The following GALNT13 variants were observed in gnomAD, a reference collection of about 807,000 sequenced individuals.
GALNT13 encodes UDP-GalNAc:polypeptide N-acetylgalactosaminyltransferase 13.
GALNT13 carries 28 observed loss-of-function variants against 64.2 expected under a neutral mutation model. The ratio of observed to expected loss-of-function variants is 0.44; its 90% CI spans 0.32 to 0.60. The LOEUF (loss-of-function observed/expected upper bound fraction) is 0.60. Among genes scored for constraint, GALNT13 ranks in the 20% least tolerant of loss-of-function variants. The pLI is 0.05. For synonymous variants in GALNT13, 214 were observed against 224.6 expected (o/e 0.95, Z 0.42); for missense variants, 577 against 669.8 (o/e 0.86, Z 1.53).
chr2:153,477,111 G>A, the GALNT13 span, among the ~76,000 whole-genome samples: 1 of 152,168 alleles, frequency 6.6e-6, no homozygotes, highest in Non-Finnish European at 1.5e-5. Flanking sequence ...ACGATAAGAG[G>A]AAACAAAGGA....
At chr2:153,637,767 A>G in the GALNT13 span, among the ~76,000 whole-genome samples, 6 of 152,194 alleles carry the variant, frequency 3.9e-5, no homozygotes, top group African/African-American at 1.4e-4. Context: ...TATTGATAAA[A>G]ATAACCATAT....
At chr2:153,289,816 C>T in the GALNT13 span, among the ~76,000 whole-genome samples, 137 of 152,214 alleles carry the variant, frequency 9.0e-4, 1 homozygote, top group East Asian at 6.2e-3. Context: ...TGACATGCCA[C>T]GTGGGACCTC....
At chr2:153,675,540 G>A in the GALNT13 span, among the ~76,000 whole-genome samples, 1 of 152,106 alleles carries the variant, frequency 6.6e-6, no homozygotes, top group African/African-American at 2.4e-5. Context: ...ACCGGGGCCT[G>A]TTGGCAGGTG....
the GALNT13 span, among the ~76,000 whole-genome samples, chr2:153,666,710 C>T: frequency 6.6e-6 from 1 of 152,146 alleles, no homozygotes; most frequent in Non-Finnish European, 1.5e-5. Context: ...TTGGCCCACA[C>T]AAATGAGAAA....
At chr2:154,205,695 A>C (rs554297039) in intron 4 of GALNT13, among the ~76,000 whole-genome samples, 5 of 152,170 alleles carry the variant, frequency 3.3e-5, no homozygotes, top group Non-Finnish European at 5.9e-5. Flanking sequence ...GCTGGCAGGC[A>C]AAGAGAGAGC....
chr2:153,084,397 T>TC, the GALNT13 span, among the ~76,000 whole-genome samples: 6 of 152,234 alleles, frequency 3.9e-5, no homozygotes, highest in African/African-American at 9.6e-5. Flanking sequence ...TTTGTTTATG[T>TC]CATCTATGAT....
chr2:153,426,233 A>G, the GALNT13 span, among the ~76,000 whole-genome samples: 1 of 151,890 alleles, frequency 6.6e-6, no homozygotes, highest in African/African-American at 2.4e-5. Flanking sequence ...CTCAAAATTG[A>G]TACTTGCTCA....
chr2:153,475,347 T>G, the GALNT13 span, among the ~76,000 whole-genome samples: 3 of 152,228 alleles, frequency 2.0e-5, no homozygotes, highest in Non-Finnish European at 4.4e-5. Flanking sequence ...TCACATACCT[T>G]TTGTATCTAA....
chr2:154,284,945 CAT>C (rs759851790), intron 8 of GALNT13, among the ~76,000 whole-genome samples: 2 of 152,036 alleles, frequency 1.3e-5, no homozygotes, highest in Non-Finnish European at 2.9e-5. Context: ...GGTGATATCT[CAT>C]GTGGTTTTAA....
intron 9 of GALNT13, among the ~76,000 whole-genome samples, chr2:154,372,758 T>C (rs1394506305): frequency 6.6e-6 from 1 of 152,086 alleles, no homozygotes; most frequent in Non-Finnish European, 1.5e-5. Flanking sequence ...TCTGTGATTA[T>C]CACTTTTTAT....
chr2:153,996,410 G>A (rs945397354), intron 3 of GALNT13, among the ~76,000 whole-genome samples: 7 of 151,974 alleles, frequency 4.6e-5, no homozygotes, highest in African/African-American at 1.7e-4. Flanking sequence ...GTTTTTATTT[G>A]CATTTCTTTT....
At chr2:153,511,921 A>G in the GALNT13 span, among the ~76,000 whole-genome samples, 14 of 152,186 alleles carry the variant, frequency 9.2e-5, no homozygotes, top group Non-Finnish European at 1.0e-4. Flanking sequence ...TCTGGAGTCC[A>G]GTGTCTGGGA....
intron 8 of GALNT13, among the ~76,000 whole-genome samples, chr2:154,299,734 A>T (rs1453181920): frequency 6.6e-6 from 1 of 151,574 alleles, no homozygotes; most frequent in Non-Finnish European, 1.5e-5. Context: ...AAGTGCTGGG[A>T]TTACAGGCGT....
At chr2:153,688,044 A>T in the GALNT13 span, among the ~76,000 whole-genome samples, 7 of 152,050 alleles carry the variant, frequency 4.6e-5, no homozygotes, top group Non-Finnish European at 7.4e-5. Context: ...GTTGCTGTTA[A>T]TTTCAGTAAA....
At chr2:153,106,395 C>G in the GALNT13 span, among the ~76,000 whole-genome samples, 67 of 152,118 alleles carry the variant, frequency 4.4e-4, no homozygotes, top group Admixed American at 4.6e-4. Context: ...TCCATTGTCT[C>G]TCCATGTGAA....
the GALNT13 span, among the ~76,000 whole-genome samples, chr2:153,759,827 TA>T: frequency 1.7e-3 from 256 of 149,154 alleles, 2 homozygotes; most frequent in African/African-American, 4.9e-3. Flanking sequence ...TCTACCCTCA[TA>T]AAAAAAAAAT....
At chr2:154,090,859 T>C (rs542410214) in intron 3 of GALNT13, among the ~76,000 whole-genome samples, 2 of 152,078 alleles carry the variant, frequency 1.3e-5, no homozygotes, top group African/African-American at 2.4e-5. Context: ...ATCTACAGTA[T>C]TGGGTAATAT....
intron 3 of GALNT13, among the ~76,000 whole-genome samples, chr2:154,104,018 T>C (rs1702481859): frequency 6.6e-6 from 1 of 151,914 alleles, no homozygotes; most frequent in Non-Finnish European, 1.5e-5. Flanking sequence ...TGGAGTAGAG[T>C]AGTGTGGGAA....
the GALNT13 span, among the ~76,000 whole-genome samples, chr2:153,250,002 A>G: frequency 3.3e-5 from 5 of 152,202 alleles, no homozygotes; most frequent in African/African-American, 9.7e-5. Context: ...ATAAAACACA[A>G]AAAGCAACTG....
Sources: gnomAD v4.1 joint callset for allele counts (sites outside exome capture counted in the v4.1 genomes callset) on GRCh38, gnomAD v4.1.1 for gene constraint, MANE v1.5 for transcripts, NCBI Gene and HGNC (gene_info 2026-07-23, HGNC 2026-07-21) for gene names.